The following PHF21B variants were observed in gnomAD, a reference collection of about 807,000 sequenced individuals.
The protein encoded by PHF21B is PHD finger protein 21B, also known as PHD finger protein 4.
A neutral mutation model predicts 62.2 loss-of-function variants in PHF21B; 22 were observed. The observed-to-expected ratio is 0.35, with a 90% CI of 0.25 to 0.51. The LOEUF is 0.51. Ranked by LOEUF, PHF21B falls within the 20% of genes least tolerant of loss-of-function variation. The pLI is 0.97. For synonymous variants in PHF21B, 341 were observed against 314.7 expected (o/e 1.08, Z -0.88); for missense variants, 701 against 707.9 (o/e 0.99, Z 0.11).
At chr22:44,886,601 T>G (rs576270359) in intron 10 of PHF21B, among the ~76,000 whole-genome samples, 9 of 151,630 alleles carry the variant, frequency 5.9e-5, no homozygotes, top group African/African-American at 1.9e-4. Context: ...GTGGGAAGAT[T>G]GTTTGAGCCC....
intron 2 of PHF21B, among the ~76,000 whole-genome samples, chr22:44,983,645 G>T (rs931636998): frequency 3.9e-5 from 6 of 152,234 alleles, no homozygotes; most frequent in Non-Finnish European, 8.8e-5. Flanking sequence ...ACATAAGTTT[G>T]AAAATCTACC....
In PHF21B at chr22:44,887,429, A is replaced by G. The variant is rs188262337; in HGVS notation, c.1197+534T>C. Reference sequence around the variant, plus strand: ...AGATCCAGAGAATCACACTTTTTGTAAAAACCTGTTGGATGCTGGCGGAAT... The same window carrying G: ...AGATCCAGAGAATCACACTTTTTGTGAAAACCTGTTGGATGCTGGCGGAAT... On this transcript the variant is annotated intron_variant, in intron 10 of 12. Coordinates refer to ENST00000313237, the MANE Select transcript of PHF21B (RefSeq NM_138415.5). Among the ~76,000 whole-genome samples, 7 of 152,292 alleles carry G rather than the reference A, an allele frequency of 4.6e-5. No individual in the cohort carries two copies. In the East Asian group the frequency reaches 1.4e-3, roughly 29 times the overall value.
At chr22:44,931,408 T>C (rs749583385) in intron 2 of PHF21B, among the ~76,000 whole-genome samples, 20 of 152,268 alleles carry the variant, frequency 1.3e-4, no homozygotes, top group Admixed American at 9.8e-4. Context: ...CGAGGCAGGC[T>C]GCCCAGGGCC....
intron 2 of PHF21B, among the ~76,000 whole-genome samples, chr22:44,932,084 G>A (rs1231301197): frequency 6.6e-6 from 1 of 152,242 alleles, no homozygotes; most frequent in Admixed American, 6.5e-5. Flanking sequence ...TCACTCAACA[G>A]AGGACCCGGG....
At chr22:44,905,488 A>T (rs893831876) in intron 5 of PHF21B, among the ~76,000 whole-genome samples, 3 of 152,172 alleles carry the variant, frequency 2.0e-5, no homozygotes, top group African/African-American at 7.2e-5. Flanking sequence ...AGCTGTTGCT[A>T]GAGTATTTAG....
intron 2 of PHF21B, among the ~76,000 whole-genome samples, chr22:44,990,866 T>C (rs2147504175): frequency 6.6e-6 from 1 of 152,350 alleles, no homozygotes; most frequent in East Asian, 1.9e-4. Context: ...TTTCGATCAA[T>C]GTTATTTAAT....
chr22:44,944,480 G>A (rs2072024088), intron 2 of PHF21B, among the ~76,000 whole-genome samples: 1 of 152,190 alleles, frequency 6.6e-6, no homozygotes, highest in African/African-American at 2.4e-5. Flanking sequence ...GCCACCTGGA[G>A]GCCCTGCATC....
At chr22:44,956,989 T>C (rs986394850) in intron 2 of PHF21B, among the ~76,000 whole-genome samples, 94 of 152,206 alleles carry the variant, frequency 6.2e-4, no homozygotes, top group African/African-American at 2.2e-3. Flanking sequence ...GCCTCAGTCC[T>C]GGGCTCCATC....
intron 6 of PHF21B, among the ~76,000 whole-genome samples, chr22:44,895,682 G>C (rs1018073071): frequency 6.6e-6 from 1 of 152,178 alleles, no homozygotes; most frequent in Non-Finnish European, 1.5e-5. Flanking sequence ...CCTGTGTTGA[G>C]AGCAGGGAGC....
intron 2 of PHF21B, among the ~76,000 whole-genome samples, chr22:44,981,450 T>C (rs1404814069): frequency 1.3e-5 from 2 of 152,206 alleles, no homozygotes; most frequent in African/African-American, 4.8e-5. Flanking sequence ...GGGGACCCTG[T>C]GCTGTCATGA....
intron 10 of PHF21B, among the ~76,000 whole-genome samples, chr22:44,886,758 C>T (rs985897997): frequency 6.6e-6 from 1 of 152,140 alleles, no homozygotes; most frequent in East Asian, 1.9e-4. Flanking sequence ...GCAGAGGGAA[C>T]AGCCCGACAG....
chr22:44,892,087 C>G (rs2147256743), intron 7 of PHF21B, among the ~76,000 whole-genome samples: 1 of 152,202 alleles, frequency 6.6e-6, no homozygotes, highest in African/African-American at 2.4e-5. Flanking sequence ...ACTTGGGAGC[C>G]TAGAGTAACG....
chr22:44,996,759 C>T (rs553046461), intron 2 of PHF21B, among the ~76,000 whole-genome samples: 3 of 151,266 alleles, frequency 2.0e-5, no homozygotes, highest in South Asian at 4.2e-4. Context: ...CATGCACACA[C>T]GGATCCACAC....
chr22:44,931,492 C>T (rs1044953326), intron 2 of PHF21B, among the ~76,000 whole-genome samples: 6 of 152,154 alleles, frequency 3.9e-5, no homozygotes, highest in African/African-American at 1.4e-4. Context: ...AAGTGGCTAC[C>T]GTATGCTGAC....
rs890943149 is a variant in PHF21B at position 45,009,998 on chromosome 22, T to A, written c.-449A>T. 4.8e-5 allele frequency: 7 copies of A among 144,876 alleles called. No homozygotes were observed. The highest frequency in any genetic ancestry group is 1.1e-4 in the Non-Finnish European group (7 of 65,250). The allele number at this position is 144,876 out of a possible 1,614,324, so 9.0% of individuals were successfully genotyped here. A position where few individuals can be genotyped will look rare whatever the true frequency, so the allele number is the denominator to read the frequency against. ...AGTTGTGCCTCGGCACGATGCTAAT[T>A]CGGCAGTGCCCGGATGGAGCGGGCC... On this transcript the variant is annotated 5_prime_UTR_variant, in exon 1 of 13. Transcript: ENST00000313237. The surrounding 1 kb of genome is among the most constrained non-coding windows in gnomAD (Gnocchi z 5.9).
At chr22:44,940,661 T>C (rs545962226) in intron 2 of PHF21B, among the ~76,000 whole-genome samples, 2 of 152,208 alleles carry the variant, frequency 1.3e-5, no homozygotes, top group East Asian at 1.9e-4. Flanking sequence ...TAAAAATAAC[T>C]GGGAGGGAGG....
chr22:44,987,981 T>C (rs1195525853), intron 2 of PHF21B, among the ~76,000 whole-genome samples: 1 of 152,100 alleles, frequency 6.6e-6, no homozygotes, highest in African/African-American at 2.4e-5. Context: ...GCTTTGGAGA[T>C]AGTGAGCTCC....
chr22:45,008,395 G>T (rs925351843), intron 2 of PHF21B, 150 bp downstream of exon 2: 14 of 649,182 alleles, frequency 2.2e-5, no homozygotes, highest in Middle Eastern at 4.7e-4. Flanking sequence ...TTCCAGGAAA[G>T]GGGAGGGGTG....
chr22:44,987,382 A>G (rs1245906531), intron 2 of PHF21B, among the ~76,000 whole-genome samples: 1 of 152,182 alleles, frequency 6.6e-6, no homozygotes, highest in Non-Finnish European at 1.5e-5. Flanking sequence ...GGCCAGGCTG[A>G]GAGGCACCAG....
Sources: allele counts gnomAD v4.1 joint callset (sites outside exome capture counted in the v4.1 genomes callset), GRCh38; gene constraint gnomAD v4.1.1; non-coding constraint Gnocchi (gnomAD v3.1); transcripts MANE v1.5; gene names NCBI Gene and HGNC (gene_info 2026-07-23, HGNC 2026-07-21).